Variants in KIRREL3 observed in about 807,000 individuals in gnomAD.
KIRREL3 encodes the protein kin of IRRE-like protein 3.
Under a neutral mutation model 89.7 loss-of-function variants are expected in KIRREL3, and 36 were observed. The ratio of observed to expected loss-of-function variants is 0.40; its 90% CI spans 0.31 to 0.53. The LOEUF (loss-of-function observed/expected upper bound fraction) is 0.53. Among genes scored for constraint, KIRREL3 ranks in the 20% least tolerant of loss-of-function variants. KIRREL3 has a pLI of 0.49. For missense variants in KIRREL3, 864 were observed against 1,056.6 expected (o/e 0.82, Z 2.53); for synonymous variants, 445 against 441.4 (o/e 1.01, Z -0.10).
At position 126,994,882 on chromosome 11, in the gene KIRREL3, G is replaced by A. The variant is rs1487017203; in HGVS notation, c.55+5573C>T. Among the ~76,000 whole-genome samples, 1 of 152,140 alleles carries A rather than the reference G, an allele frequency of 6.6e-6. No homozygotes were observed. The highest frequency in any genetic ancestry group is 1.5e-5 in the Non-Finnish European group (1 of 68,024). ...GACATAGCATCCCTTCCCCAACCAT[G>A]AGAGAAGTATTCTGATGATCTATAA... On this transcript the variant is annotated intron_variant, in intron 1 of 16. Coordinates refer to ENST00000525144, the MANE Select transcript of KIRREL3 (RefSeq NM_032531.4). This position sits in a 1 kb window ranked among gnomAD's most constrained non-coding sequence, Gnocchi z 5.2.
At position 126,608,492 on chromosome 11, in the gene KIRREL3, A is replaced by G. The variant is rs1942984350; in HGVS notation, c.56-45580T>C. Among the ~76,000 whole-genome samples the G allele has an allele frequency of 6.6e-6, 1 of 151,918 alleles. No individual in the cohort carries two copies. The highest frequency in any genetic ancestry group is 2.4e-5 in the African/African-American group (1 of 41,270). ...TGTCTGTGGGAGGTGCGCGTCTGGC[A>G]TTCCTCCAGTGCGTTCCCAGGCAGG... On this transcript the variant is annotated intron_variant, in intron 1 of 16. Transcript: ENST00000525144. This position sits in a 1 kb window ranked among gnomAD's most constrained non-coding sequence, Gnocchi z 4.9.
intron 1 of KIRREL3, among the ~76,000 whole-genome samples, chr11:126,938,948 G>A (rs1321667051): frequency 4.6e-5 from 7 of 152,160 alleles, no homozygotes; most frequent in East Asian, 1.9e-4. Context: ...TGAGACAGGA[G>A]TCTCTAGGTA....
At chr11:126,801,647 G>A (rs1456566703) in intron 1 of KIRREL3, among the ~76,000 whole-genome samples, 1 of 152,176 alleles carries the variant, frequency 6.6e-6, no homozygotes, top group Non-Finnish European at 1.5e-5. Context: ...TTTCTCTCCT[G>A]GCCCATTTCT....
At chr11:126,497,203 AGTGTGAGTGTGTGAGAGT>A (rs1271990855) in intron 4 of KIRREL3, among the ~76,000 whole-genome samples, 3 of 35,644 alleles carry the variant, frequency 8.4e-5, no homozygotes, top group African/African-American at 2.2e-4. Context: ...AGTGTGTGTG[AGTGTGAGTGTGTGAGAGT>A]GAGTGTGTGT....
rs1470674157 is a variant in KIRREL3, at chr11:126,685,862, C to G, written c.56-122950G>C. ...GATGGCCGACCCACTGGATCGGGGCCACTGGAGACTTTTTCCCTCATGCTG... is the reference window on the plus strand; with the variant it reads ...GATGGCCGACCCACTGGATCGGGGCGACTGGAGACTTTTTCCCTCATGCTG... On this transcript the variant is annotated intron_variant, in intron 1 of 16. Coordinates refer to ENST00000525144, the MANE Select transcript of KIRREL3 (RefSeq NM_032531.4). The surrounding 1 kb of genome is among the most constrained non-coding windows in gnomAD (Gnocchi z 5.5). Among the ~76,000 whole-genome samples the G allele has an allele frequency of 6.6e-6, 1 of 152,186 alleles. No individual in the cohort carries two copies. The highest frequency in any genetic ancestry group is 2.1e-4 in the South Asian group (1 of 4,820).
chr11:126,599,964 A>T (rs1009351737), intron 1 of KIRREL3, among the ~76,000 whole-genome samples: 7 of 152,314 alleles, frequency 4.6e-5, no homozygotes, highest in Admixed American at 2.0e-4. Flanking sequence ...TATGGGCTAG[A>T]CCTGGTGACT....
intron 1 of KIRREL3, among the ~76,000 whole-genome samples, chr11:126,820,312 T>A (rs75810632): frequency 2.7e-5 from 4 of 149,342 alleles, no homozygotes; most frequent in African/African-American, 2.5e-5. Context: ...AGCAAGCCTT[T>A]AAAAAAAAAG....
At chr11:126,488,329 G>A (rs1369593258) in intron 4 of KIRREL3, among the ~76,000 whole-genome samples, 1 of 152,254 alleles carries the variant, frequency 6.6e-6, no homozygotes, top group Non-Finnish European at 1.5e-5. Flanking sequence ...ACAGAGCTGG[G>A]AATGATCCCA....
Position 126,755,685 on chromosome 11 carries a change from C to T in KIRREL3, c.56-192773G>A, listed in dbSNP as rs1328214408. 6.6e-6 allele frequency among the ~76,000 whole-genome samples: 1 copy of T among 152,184 alleles called. No homozygotes were observed. Among genetic ancestry groups the T allele is most frequent in the Non-Finnish European group, 1.5e-5 (1 of 68,032 alleles). On this transcript the variant is annotated intron_variant, in intron 1 of 16. Transcript: ENST00000525144. This position sits in a 1 kb window ranked among gnomAD's most constrained non-coding sequence, Gnocchi z 4.3. ...TTGTTGCCAGAGAGCCCTCCCCTGG[C>T]AGCAATCTAATTCCAGCTCTCCTTG...
rs186080103 is a variant in KIRREL3 at position 126,797,654 on chromosome 11, G to A, written c.55+202801C>T. Among the ~76,000 whole-genome samples, 1 of 152,130 alleles carries A rather than the reference G, an allele frequency of 6.6e-6. No homozygotes were observed. The highest frequency in any genetic ancestry group is 1.5e-5 in the Non-Finnish European group (1 of 68,010). ...TTCTGATGGGGCCCTGGCAGCGGGA[G>A]TCTCAGCATCCAAGCACAATCAGCA... On this transcript the variant is annotated intron_variant, in intron 1 of 16. Transcript: ENST00000525144. This position sits in a 1 kb window ranked among gnomAD's most constrained non-coding sequence, Gnocchi z 4.9.
chr11:126,821,609 G>A (rs1340512860), intron 1 of KIRREL3, among the ~76,000 whole-genome samples: 2 of 151,918 alleles, frequency 1.3e-5, no homozygotes, highest in Non-Finnish European at 2.9e-5. Flanking sequence ...ATGTGTGAAT[G>A]TGAATGTGTT....
chr11:126,923,130 T>TCCTC (rs373421868), intron 1 of KIRREL3, among the ~76,000 whole-genome samples: 2,209 of 16,330 alleles, frequency 0.14, 436 homozygotes, highest in Middle Eastern at 0.21. Flanking sequence ...CTCCTTCTTC[T>TCCTC]CTTCTTCTTC....
rs568303078 is a variant in KIRREL3, at chr11:126,652,561, C to G, written c.56-89649G>C. ...TGTGGACAAGAGGTCAGGCCATTTGCCAAAGTCCTCCACTCAATCTATAGG... is the reference window on the plus strand; with the variant it reads ...TGTGGACAAGAGGTCAGGCCATTTGGCAAAGTCCTCCACTCAATCTATAGG... On this transcript the variant is annotated intron_variant, in intron 1 of 16. Coordinates refer to ENST00000525144, the MANE Select transcript of KIRREL3 (RefSeq NM_032531.4). This position sits in a 1 kb window ranked among gnomAD's most constrained non-coding sequence, Gnocchi z 4.9. 6.6e-6 allele frequency among the ~76,000 whole-genome samples: 1 copy of G among 152,264 alleles called. No homozygotes were observed. The highest frequency in any genetic ancestry group is 6.5e-5 in the Admixed American group (1 of 15,306).
At chr11:126,929,451 C>T (rs1947848704) in intron 1 of KIRREL3, among the ~76,000 whole-genome samples, 1 of 152,150 alleles carries the variant, frequency 6.6e-6, no homozygotes, top group Non-Finnish European at 1.5e-5. Flanking sequence ...GTCAGTTCCA[C>T]AAATGCTGCC....
Position 126,553,966 on chromosome 11 carries a change from T to A in KIRREL3, c.133+8869A>T, listed in dbSNP as rs1421908952. Among the ~76,000 whole-genome samples the A allele has an allele frequency of 6.6e-6, 1 of 152,190 alleles. No individual in the cohort carries two copies. The highest frequency in any genetic ancestry group is 6.5e-5 in the Admixed American group (1 of 15,290). ...GTGTCCATTCACATTGGAACTGCTG[T>A]CTGTCAACCAAACAGCTCCTGAGTC... is the stretch of plus-strand genomic sequence containing the variant. On this transcript the variant is annotated intron_variant, in intron 2 of 16. Transcript: ENST00000525144. The surrounding 1 kb of genome is among the most constrained non-coding windows in gnomAD (Gnocchi z 4.7).
rs1464653444 is a variant in KIRREL3, at chr11:127,000,520, A to G, written c.-11T>C. On this transcript the variant is annotated 5_prime_UTR_variant, in exon 1 of 17. Coordinates refer to ENST00000525144, the MANE Select transcript of KIRREL3 (RefSeq NM_032531.4). The surrounding 1 kb of genome is among the most constrained non-coding windows in gnomAD (Gnocchi z 7.1). ...CTGGAAGGGTTTCATTCCTTAGCGC[A>G]GCGAAGGAAAGCCGGCGGGGTAACT... The G allele has an allele frequency of 1.2e-5, 20 of 1,601,470 alleles. No individual in the cohort carries two copies. Among genetic ancestry groups the G allele is most frequent in the Non-Finnish European group, 1.6e-5 (19 of 1,174,086 alleles).
At chr11:126,804,996 G>A (rs1190364186) in intron 1 of KIRREL3, among the ~76,000 whole-genome samples, 1 of 152,170 alleles carries the variant, frequency 6.6e-6, no homozygotes, top group Admixed American at 6.5e-5. Context: ...AGGGTTATGA[G>A]GAGATTAAGA....
rs1373551065 is a variant in KIRREL3, at chr11:126,697,413, G to T, written c.56-134501C>A. 6.6e-6 allele frequency among the ~76,000 whole-genome samples: 1 copy of T among 152,154 alleles called. No individual in the cohort carries two copies. The highest frequency in any genetic ancestry group is 2.4e-5 in the African/African-American group (1 of 41,432). On this transcript the variant is annotated intron_variant, in intron 1 of 16. Coordinates refer to ENST00000525144, the MANE Select transcript of KIRREL3 (RefSeq NM_032531.4). This position sits in a 1 kb window ranked among gnomAD's most constrained non-coding sequence, Gnocchi z 4.2. ...TCTTATCTAGAACATGAGGGTAATAGTTCCCAGTTGCCAAAGCTTTTCCCA... is the reference window on the plus strand; with the variant it reads ...TCTTATCTAGAACATGAGGGTAATATTTCCCAGTTGCCAAAGCTTTTCCCA...
intron 4 of KIRREL3, among the ~76,000 whole-genome samples, chr11:126,478,845 A>T (rs1170779917): frequency 6.6e-6 from 1 of 151,992 alleles, no homozygotes; most frequent in Non-Finnish European, 1.5e-5. Flanking sequence ...GAGTAGTGGG[A>T]GGGAGGAGGG....
Sources: gnomAD v4.1 joint callset for allele counts (sites outside exome capture counted in the v4.1 genomes callset) on GRCh38, gnomAD v4.1.1 for gene constraint, Gnocchi (gnomAD v3.1) non-coding constraint, MANE v1.5 for transcripts, NCBI Gene and HGNC (gene_info 2026-07-23, HGNC 2026-07-21) for gene names.